PRRX2: variants seen among roughly 807,000 people sequenced by gnomAD.
PRRX2 encodes the protein paired mesoderm homeobox protein 2.
Under a neutral mutation model 18.0 loss-of-function variants are expected in PRRX2, and 11 were observed. The observed-to-expected ratio is 0.61, with a 90% CI of 0.39 to 1.01. PRRX2 has a LOEUF of 1.01. Among genes scored for constraint, PRRX2 ranks in the 50% least tolerant of loss-of-function variants. The pLI, the probability that PRRX2 is intolerant of heterozygous loss-of-function variation, is 0.01. For synonymous variants in PRRX2, 177 were observed against 154.8 expected (o/e 1.14, Z -1.06); for missense variants, 387 against 351.0 (o/e 1.10, Z -0.82).
At chr9:129,677,496 C>G (rs957229005) in intron 1 of PRRX2, among the ~76,000 whole-genome samples, 1 of 152,196 alleles carries the variant, frequency 6.6e-6, no homozygotes, top group African/African-American at 2.4e-5. Flanking sequence ...GGGGGTTCCT[C>G]CCCACCTCCC....
chr9:129,702,432 G>A (rs59878076), intron 1 of PRRX2, among the ~76,000 whole-genome samples: 54,974 of 152,064 alleles, frequency 0.36, 11,039 homozygotes, highest in East Asian at 0.57. Flanking sequence ...AACTCTCTGT[G>A]ATGATGAAAA....
intron 1 of PRRX2, among the ~76,000 whole-genome samples, chr9:129,669,617 G>A (rs1329691154): frequency 2.0e-5 from 3 of 152,168 alleles, no homozygotes; most frequent in Non-Finnish European, 2.9e-5. Flanking sequence ...GGGATCCCAC[G>A]TGGATTCATT....
At chr9:129,697,916 T>A (rs1049853016) in intron 1 of PRRX2, among the ~76,000 whole-genome samples, 4 of 151,814 alleles carry the variant, frequency 2.6e-5, no homozygotes, top group Non-Finnish European at 5.9e-5. Context: ...CTTTGGGGCA[T>A]GCGAGAAACG....
chr9:129,692,878 T>G, intron 1 of PRRX2, among the ~76,000 whole-genome samples: 1 of 152,216 alleles, frequency 6.6e-6, no homozygotes, highest in East Asian at 1.9e-4. Context: ...GGCCTTTTTG[T>G]GGACAGAAGT....
At chr9:129,716,083 G>A (rs902433710) in intron 1 of PRRX2, among the ~76,000 whole-genome samples, 1 of 152,120 alleles carries the variant, frequency 6.6e-6, no homozygotes, top group African/African-American at 2.4e-5. Flanking sequence ...AAAACACGTC[G>A]CCCCAAACCC....
intron 1 of PRRX2, among the ~76,000 whole-genome samples, chr9:129,702,589 CA>C (rs1832511506): frequency 6.6e-6 from 1 of 152,222 alleles, no homozygotes. Context: ...TGGCCACGTG[CA>C]GCTCGTTGCT....
At chr9:129,706,724 C>CA (rs1832562314) in intron 1 of PRRX2, among the ~76,000 whole-genome samples, 2 of 152,014 alleles carry the variant, frequency 1.3e-5, no homozygotes, top group Non-Finnish European at 2.9e-5. Flanking sequence ...AAGACCATCT[C>CA]AAAAAATAAA....
intron 1 of PRRX2, among the ~76,000 whole-genome samples, chr9:129,698,626 G>C (rs984278952): frequency 1.3e-5 from 2 of 152,256 alleles, no homozygotes; most frequent in Admixed American, 1.3e-4. Flanking sequence ...GGCAGAGGTT[G>C]AGACAACCCA....
intron 1 of PRRX2, among the ~76,000 whole-genome samples, chr9:129,667,387 C>T (rs1380241039): frequency 6.6e-6 from 1 of 152,188 alleles, no homozygotes; most frequent in Non-Finnish European, 1.5e-5. Flanking sequence ...GAATGCCCTG[C>T]CGGCCCAAGG....
intron 1 of PRRX2, among the ~76,000 whole-genome samples, chr9:129,688,361 G>A (rs759338523): frequency 3.9e-5 from 6 of 152,116 alleles, no homozygotes; most frequent in East Asian, 1.9e-4. Context: ...CACCGTGCCC[G>A]GTCAAGAAAT....
intron 1 of PRRX2, among the ~76,000 whole-genome samples, chr9:129,701,201 G>C (rs1241000660): frequency 6.6e-6 from 1 of 152,250 alleles, no homozygotes. Context: ...AAGAAGATAG[G>C]AAACAGAGCA....
At chr9:129,685,309 C>T (rs754952747) in intron 1 of PRRX2, among the ~76,000 whole-genome samples, 4 of 152,378 alleles carry the variant, frequency 2.6e-5, no homozygotes, top group Admixed American at 6.5e-5. Flanking sequence ...GACTGTGGTC[C>T]GCTTGCCGTG....
At chr9:129,698,013 A>T (rs1832448580) in intron 1 of PRRX2, among the ~76,000 whole-genome samples, 1 of 151,784 alleles carries the variant, frequency 6.6e-6, no homozygotes. Flanking sequence ...CCACTGGGTG[A>T]GTACAAGGGC....
At chr9:129,667,735 C>T (rs920920373) in intron 1 of PRRX2, among the ~76,000 whole-genome samples, 3 of 152,144 alleles carry the variant, frequency 2.0e-5, no homozygotes, top group Non-Finnish European at 4.4e-5. Context: ...CTCCCGGACA[C>T]GGTGTTGGAG....
chr9:129,703,791 T>C (rs1401601925), intron 1 of PRRX2, among the ~76,000 whole-genome samples: 1 of 152,152 alleles, frequency 6.6e-6, no homozygotes, highest in African/African-American at 2.4e-5. Context: ...CGAGCAAGGC[T>C]CAGACTCACA....
At chr9:129,677,974 T>C (rs1282531239) in intron 1 of PRRX2, among the ~76,000 whole-genome samples, 1 of 145,946 alleles carries the variant, frequency 6.9e-6, no homozygotes, top group Non-Finnish European at 1.5e-5. Flanking sequence ...TTTTTTTTTT[T>C]TTTTTTTGAG....
At chr9:129,696,576 G>GA (rs35449388) in intron 1 of PRRX2, among the ~76,000 whole-genome samples, 5 of 151,932 alleles carry the variant, frequency 3.3e-5, no homozygotes, top group African/African-American at 1.2e-4. Flanking sequence ...ACCCTGTCTC[G>GA]AAAAAAATAA....
At chr9:129,677,421 C>T (rs1259364914) in intron 1 of PRRX2, among the ~76,000 whole-genome samples, 10 of 152,240 alleles carry the variant, frequency 6.6e-5, no homozygotes, top group Non-Finnish European at 1.2e-4. Flanking sequence ...GCCAAGGAGC[C>T]GCGCGGGGTT....
chr9:129,711,962 A>G (rs920145125), intron 1 of PRRX2, among the ~76,000 whole-genome samples: 3 of 152,166 alleles, frequency 2.0e-5, no homozygotes, highest in Admixed American at 6.5e-5. Flanking sequence ...CCCTTCTCCC[A>G]GGGGCCCTTC....
Sources: allele counts gnomAD v4.1 joint callset (sites outside exome capture counted in the v4.1 genomes callset), GRCh38; gene constraint gnomAD v4.1.1; transcripts MANE v1.5; gene names NCBI Gene and HGNC (gene_info 2026-07-23, HGNC 2026-07-21).